The following DLG2 variants were observed in gnomAD, a reference collection of about 807,000 sequenced individuals.
DLG2 encodes the protein discs large MAGUK scaffold protein 2.
DLG2 carries 45 observed loss-of-function variants against 132.5 expected under a neutral mutation model. The ratio of observed to expected loss-of-function variants is 0.34; its 90% confidence interval spans 0.27 to 0.44. DLG2 has a LOEUF of 0.44. Among genes scored for constraint, DLG2 ranks in the 20% least tolerant of loss-of-function variants. DLG2 has a pLI of 1.00. For synonymous variants in DLG2, 424 were observed against 419.6 expected (o/e 1.01, Z -0.13); for missense variants, 1,045 against 1,196.9 (o/e 0.87, Z 1.87).
chr11:83,594,407 T>C (rs745616655), intron 19 of DLG2, among the ~76,000 whole-genome samples: 43 of 152,354 alleles, frequency 2.8e-4, no homozygotes, highest in Non-Finnish European at 7.4e-5. Context: ...TCATTGCCTG[T>C]CTTAGCTTTG....
chr11:85,133,837 C>T (rs934497871), intron 5 of DLG2, among the ~76,000 whole-genome samples: 1 of 152,160 alleles, frequency 6.6e-6, no homozygotes, highest in Non-Finnish European at 1.5e-5. Flanking sequence ...CTCCCCTCCC[C>T]CAAATCCCTC....
chr11:83,773,436 G>C (rs2044863), intron 18 of DLG2, among the ~76,000 whole-genome samples: 27,385 of 152,080 alleles, frequency 0.18, 2,961 homozygotes, highest in African/African-American at 0.3. Context: ...AATTCTCAAA[G>C]CCACTATTAA....
intron 6 of DLG2, among the ~76,000 whole-genome samples, chr11:84,551,640 T>C (rs961472007): frequency 6.6e-6 from 1 of 152,230 alleles, no homozygotes; most frequent in African/African-American, 2.4e-5. Context: ...ACACAACTAG[T>C]GGATAGAATG....
At chr11:84,590,235 C>T (rs2099539538) in intron 6 of DLG2, among the ~76,000 whole-genome samples, 1 of 152,142 alleles carries the variant, frequency 6.6e-6, no homozygotes, top group Non-Finnish European at 1.5e-5. Flanking sequence ...CCTGAATTAC[C>T]ATTTAAATGT....
intron 7 of DLG2, among the ~76,000 whole-genome samples, chr11:84,507,786 T>TA (rs2099245806): frequency 6.6e-6 from 1 of 152,202 alleles, no homozygotes; most frequent in South Asian, 2.1e-4. Flanking sequence ...TTGACTTGCA[T>TA]ATGTTGAACC....
intron 7 of DLG2, among the ~76,000 whole-genome samples, chr11:84,338,172 C>T (rs144919792): frequency 2.6e-5 from 4 of 152,210 alleles, no homozygotes; most frequent in East Asian, 1.9e-4. Flanking sequence ...CTGTACAGTT[C>T]GAAGCCAGCA....
chr11:84,818,686 A>G (rs2077335874), intron 6 of DLG2, among the ~76,000 whole-genome samples: 1 of 151,920 alleles, frequency 6.6e-6, no homozygotes, highest in Non-Finnish European at 1.5e-5. Flanking sequence ...GCTCAGGCAC[A>G]CAAAAATTAG....
At chr11:84,989,680 G>T (rs181376179) in intron 6 of DLG2, among the ~76,000 whole-genome samples, 1 of 152,144 alleles carries the variant, frequency 6.6e-6, no homozygotes, top group East Asian at 1.9e-4. Context: ...ATTGAAAAAA[G>T]AATGTAGGAA....
intron 9 of DLG2, among the ~76,000 whole-genome samples, chr11:84,144,040 T>A (rs1035229753): frequency 1.3e-5 from 2 of 152,114 alleles, no homozygotes; most frequent in Non-Finnish European, 2.9e-5. Flanking sequence ...GGAGAAAATA[T>A]CTGTCAGAGA....
chr11:84,080,315 T>C (rs1056769452), intron 10 of DLG2, among the ~76,000 whole-genome samples: 9 of 152,200 alleles, frequency 5.9e-5, no homozygotes, highest in African/African-American at 2.2e-4. Context: ...TTACTCAAGA[T>C]CTATCTCACC....
At chr11:84,126,956 G>A (rs2094201863) in intron 9 of DLG2, among the ~76,000 whole-genome samples, 1 of 152,148 alleles carries the variant, frequency 6.6e-6, no homozygotes, top group African/African-American at 2.4e-5. Flanking sequence ...AGGGAACAAG[G>A]TATTTGCATA....
intron 3 of DLG2, chr11:85,453,369 T>A: frequency 4.6e-6 from 1 of 218,146 alleles, no homozygotes; most frequent in Non-Finnish European, 9.7e-6. Context: ...CAAAATTGAA[T>A]CTGAGTTTCT....
intron 11 of DLG2, among the ~76,000 whole-genome samples, chr11:84,009,991 A>G (rs2094793116): frequency 6.6e-6 from 1 of 152,080 alleles, no homozygotes; most frequent in African/African-American, 2.4e-5. Flanking sequence ...TTATTGTTCT[A>G]TTCAGCCTCC....
intron 3 of DLG2, among the ~76,000 whole-genome samples, chr11:85,324,500 G>C (rs1350969773): frequency 2.0e-5 from 3 of 152,076 alleles, no homozygotes; most frequent in African/African-American, 7.2e-5. Flanking sequence ...CTGAACATCT[G>C]ATTACTGATA....
chr11:83,860,830 T>C (rs972951550), intron 16 of DLG2, among the ~76,000 whole-genome samples: 1 of 152,176 alleles, frequency 6.6e-6, no homozygotes, highest in African/African-American at 2.4e-5. Flanking sequence ...AATTGAATCA[T>C]GTGGGTGGGT....
At chr11:85,525,299 A>G (rs1335765154) in intron 3 of DLG2, among the ~76,000 whole-genome samples, 2 of 152,212 alleles carry the variant, frequency 1.3e-5, no homozygotes, top group Non-Finnish European at 2.9e-5. Context: ...TGACATCTAC[A>G]AAGAACTTTT....
chr11:84,321,299 C>T (rs527343272), intron 7 of DLG2, among the ~76,000 whole-genome samples: 4 of 152,300 alleles, frequency 2.6e-5, no homozygotes, highest in South Asian at 2.1e-4. Flanking sequence ...ACTGGTCTCT[C>T]GCATACACCC....
chr11:83,641,901 T>TTG (rs1330523868), intron 18 of DLG2, among the ~76,000 whole-genome samples: 11 of 142,874 alleles, frequency 7.7e-5, no homozygotes, highest in Non-Finnish European at 1.4e-4. Flanking sequence ...GTATGTGTGT[T>TTG]TGTGTGTGTG....
chr11:84,996,730 C>T (rs2057687177), intron 6 of DLG2, among the ~76,000 whole-genome samples: 1 of 152,136 alleles, frequency 6.6e-6, no homozygotes, highest in Admixed American at 6.6e-5. Context: ...AACATGAAAT[C>T]ACACCACTAT....
Sources: allele counts gnomAD v4.1 joint callset (sites outside exome capture counted in the v4.1 genomes callset), GRCh38; gene constraint gnomAD v4.1.1; transcripts MANE v1.5; gene names NCBI Gene and HGNC (gene_info 2026-07-23, HGNC 2026-07-21).